Variants in TNR observed in about 807,000 individuals in gnomAD.
TNR encodes the protein tenascin-R.
A neutral mutation model predicts 150.4 loss-of-function variants in TNR; 45 were observed. The ratio of observed to expected loss-of-function variants is 0.30; its 90% CI spans 0.24 to 0.38. The LOEUF (loss-of-function observed/expected upper bound fraction) is 0.38, where lower values mean the gene tolerates loss of function less well. Among genes scored for constraint, TNR ranks in the 10% least tolerant of loss-of-function variants. The pLI, the probability that TNR is intolerant of heterozygous loss-of-function variation, is 1.00. For missense variants in TNR, 1,544 were observed against 1,759.1 expected (o/e 0.88, Z 2.19); for synonymous variants, 687 against 678.4 (o/e 1.01, Z -0.20).
chr1:175,718,469 A>C (rs1200322275), intron 1 of TNR, among the ~76,000 whole-genome samples: 3 of 152,226 alleles, frequency 2.0e-5, no homozygotes, highest in Non-Finnish European at 4.4e-5. Flanking sequence ...TAGGGGAAGG[A>C]GGTGGCCAAG....
intron 1 of TNR, among the ~76,000 whole-genome samples, chr1:175,731,354 T>G (rs1383955336): frequency 6.6e-6 from 1 of 152,226 alleles, no homozygotes; most frequent in Admixed American, 6.5e-5. Flanking sequence ...TTCTACCATC[T>G]ATAAATTGGC....
chr1:175,712,680 A>G (rs1249365560), intron 1 of TNR, among the ~76,000 whole-genome samples: 1 of 151,992 alleles, frequency 6.6e-6, no homozygotes, highest in African/African-American at 2.4e-5. Context: ...TCTCAGTCTG[A>G]GTTCACATGA....
chr1:175,531,875 TC>T (rs1660083862), intron 1 of TNR, among the ~76,000 whole-genome samples: 1 of 152,250 alleles, frequency 6.6e-6, no homozygotes, highest in South Asian at 2.1e-4. Flanking sequence ...TAGCATGGGC[TC>T]CCTGCCCCTG....
intron 1 of TNR, among the ~76,000 whole-genome samples, chr1:175,708,346 C>T (rs1666900790): frequency 6.6e-6 from 1 of 152,138 alleles, no homozygotes; most frequent in Admixed American, 6.5e-5. Context: ...TGATCTGATG[C>T]CTAGAGCTTC....
chr1:175,542,749 C>T (rs1237276569), intron 1 of TNR, among the ~76,000 whole-genome samples: 3 of 152,326 alleles, frequency 2.0e-5, no homozygotes, highest in East Asian at 3.9e-4. Context: ...ATCAAATAAT[C>T]ATATATATTA....
intron 1 of TNR, among the ~76,000 whole-genome samples, chr1:175,580,057 C>T (rs1043640073): frequency 6.6e-6 from 1 of 152,120 alleles, no homozygotes; most frequent in East Asian, 1.9e-4. Flanking sequence ...CCCAAGAAGC[C>T]CACTACCTGA....
rs553168869 is a variant in TNR at position 175,737,498 on chromosome 1, T to C, written c.-165+5728A>G. On this transcript the variant is annotated intron_variant, in intron 1 of 22. Coordinates refer to ENST00000367674, the MANE Select transcript of TNR (RefSeq NM_003285.3). Reference sequence around the variant, plus strand: ...GACCCAAGCTTCCAGGGCCCAGGAATGTGAATTTTTAGGTGGACTAGGGTC... The same window carrying C: ...GACCCAAGCTTCCAGGGCCCAGGAACGTGAATTTTTAGGTGGACTAGGGTC... 5.9e-5 allele frequency among the ~76,000 whole-genome samples: 9 copies of C among 152,284 alleles called. No individual in the cohort carries two copies. The South Asian group carries it at 1.9e-3, about 32-fold the overall frequency.
intron 17 of TNR, among the ~76,000 whole-genome samples, chr1:175,355,085 C>A (rs1310688328): frequency 1.3e-5 from 2 of 152,184 alleles, no homozygotes; most frequent in African/African-American, 4.8e-5. Context: ...AATTTGGTAT[C>A]CAGCTCATGT....
chr1:175,564,337 C>G (rs980949040), intron 1 of TNR, among the ~76,000 whole-genome samples: 3 of 152,252 alleles, frequency 2.0e-5, no homozygotes, highest in African/African-American at 2.4e-5. Context: ...CCCAGAGGTT[C>G]CCTCATTAGC....
intron 1 of TNR, among the ~76,000 whole-genome samples, chr1:175,631,113 A>G (rs1047951232): frequency 6.6e-6 from 1 of 152,258 alleles, no homozygotes. Context: ...AAAATAAAAA[A>G]TGCCCAAGTC....
chr1:175,550,255 T>C (rs1660884667), intron 1 of TNR, among the ~76,000 whole-genome samples: 1 of 152,150 alleles, frequency 6.6e-6, no homozygotes, highest in Non-Finnish European at 1.5e-5. Flanking sequence ...ACCGGAAGAC[T>C]AGGCAGGAGG....
chr1:175,340,145 C>T (rs9283389), intron 18 of TNR, among the ~76,000 whole-genome samples: 27,981 of 151,914 alleles, frequency 0.18, 3,005 homozygotes, highest in African/African-American at 0.29. Context: ...ATGGGATAAA[C>T]GTCCCAGATT....
intron 1 of TNR, among the ~76,000 whole-genome samples, chr1:175,722,824 C>T (rs1667346433): frequency 6.6e-6 from 1 of 151,516 alleles, no homozygotes; most frequent in East Asian, 2.0e-4. Flanking sequence ...CAGAGTCTTA[C>T]TCTGTCGCCC....
At chr1:175,396,459 T>G in intron 5 of TNR, 85 bp downstream of exon 5, 10 of 1,504,962 alleles carry the variant, frequency 6.6e-6, no homozygotes, top group Non-Finnish European at 9.0e-6. Context: ...CCTGAAGAAC[T>G]AAGAAAAGAC....
At chr1:175,585,523 G>C (rs1662529666) in intron 1 of TNR, among the ~76,000 whole-genome samples, 1 of 152,186 alleles carries the variant, frequency 6.6e-6, no homozygotes, top group Non-Finnish European at 1.5e-5. Context: ...TAACTTGAAT[G>C]AATACCATAG....
intron 1 of TNR, among the ~76,000 whole-genome samples, chr1:175,668,363 T>G (rs1171124856): frequency 6.6e-6 from 1 of 151,906 alleles, no homozygotes; most frequent in East Asian, 1.9e-4. Flanking sequence ...GGTGTCTAAG[T>G]GTCATCGTCA....
At chr1:175,439,530 C>A (rs1385984689) in intron 2 of TNR, among the ~76,000 whole-genome samples, 6 of 152,124 alleles carry the variant, frequency 3.9e-5, no homozygotes, top group South Asian at 2.1e-4. Flanking sequence ...CAAATGGGAT[C>A]TAATTAAACT....
intron 1 of TNR, among the ~76,000 whole-genome samples, chr1:175,608,478 C>T (rs1188097171): frequency 6.6e-6 from 1 of 152,064 alleles, no homozygotes; most frequent in African/African-American, 2.4e-5. Flanking sequence ...TTGGGATAGG[C>T]AAGGATTTAT....
intron 18 of TNR, among the ~76,000 whole-genome samples, chr1:175,353,814 T>C (rs1651183557): frequency 6.6e-6 from 1 of 151,852 alleles, no homozygotes; most frequent in Non-Finnish European, 1.5e-5. Flanking sequence ...GCAGAAAACC[T>C]GAACTGGAAG....
Sources: allele counts gnomAD v4.1 joint callset (sites outside exome capture counted in the v4.1 genomes callset), GRCh38; gene constraint gnomAD v4.1.1; transcripts MANE v1.5; gene names NCBI Gene and HGNC (gene_info 2026-07-23, HGNC 2026-07-21).